TBC1D22A: variants seen among roughly 807,000 people sequenced by gnomAD.
TBC1D22A encodes TBC1 domain family member 22A, also known as putative GTPase activator.
Under a neutral mutation model 60.2 loss-of-function variants are expected in TBC1D22A, and 38 were observed. The observed-to-expected ratio is 0.63, with a 90% CI of 0.49 to 0.83. TBC1D22A has a LOEUF of 0.83. Ranked by LOEUF, TBC1D22A falls within the 40% of genes least tolerant of loss-of-function variation. TBC1D22A has a pLI of 0.00. For synonymous variants in TBC1D22A, 302 were observed against 281.7 expected, an observed-to-expected ratio of 1.07 and a Z score of -0.72; for missense variants, 628 against 701.0, an observed-to-expected ratio of 0.90 and a Z score of 1.18.
intron 8 of TBC1D22A, among the ~76,000 whole-genome samples, chr22:46,963,951 G>T (rs985107013): frequency 7.9e-5 from 12 of 152,374 alleles, no homozygotes; most frequent in African/African-American, 2.6e-4. Context: ...CTTGGGTCCA[G>T]CAGGAGCGAT....
At chr22:47,122,612 C>A (rs1159517843) in intron 12 of TBC1D22A, among the ~76,000 whole-genome samples, 5 of 152,182 alleles carry the variant, frequency 3.3e-5, no homozygotes, top group Non-Finnish European at 5.9e-5. Flanking sequence ...ATGCTACTAG[C>A]CTCAGACTTC....
chr22:47,102,989 G>C (rs114941709), intron 11 of TBC1D22A, among the ~76,000 whole-genome samples: 5 of 152,056 alleles, frequency 3.3e-5, no homozygotes, highest in Non-Finnish European at 7.3e-5. Flanking sequence ...GTTTTTGTTT[G>C]TTCAGGTCAC....
chr22:47,025,445 A>C (rs2062222101), intron 10 of TBC1D22A, among the ~76,000 whole-genome samples: 1 of 152,258 alleles, frequency 6.6e-6, no homozygotes, highest in Admixed American at 6.5e-5. Flanking sequence ...CTTTAGCAAG[A>C]TACCTGGGAA....
intron 10 of TBC1D22A, among the ~76,000 whole-genome samples, chr22:47,022,762 G>A (rs2062132411): frequency 1.3e-5 from 2 of 152,270 alleles, no homozygotes; most frequent in East Asian, 1.9e-4. Context: ...GAAGTCCCCG[G>A]CATCAGGTAG....
intron 11 of TBC1D22A, among the ~76,000 whole-genome samples, chr22:47,110,319 AAAATAC>A (rs1352874790): frequency 2.6e-5 from 4 of 152,202 alleles, no homozygotes; most frequent in African/African-American, 9.6e-5. Context: ...GTCTCTACTA[AAAATAC>A]AAAATTAGCC....
chr22:46,879,370 T>C (rs1421972011), intron 5 of TBC1D22A, among the ~76,000 whole-genome samples: 2 of 152,206 alleles, frequency 1.3e-5, no homozygotes, highest in East Asian at 3.8e-4. Context: ...GAAGTGAGTT[T>C]GGCCCTGCCC....
chr22:46,843,729 T>C (rs2086874842), intron 4 of TBC1D22A, among the ~76,000 whole-genome samples: 1 of 152,076 alleles, frequency 6.6e-6, no homozygotes, highest in African/African-American at 2.4e-5. Context: ...GTGAACTGGG[T>C]AAACTGAGAT....
chr22:47,057,166 G>A (rs1241654748), intron 11 of TBC1D22A, among the ~76,000 whole-genome samples: 1 of 152,174 alleles, frequency 6.6e-6, no homozygotes, highest in Admixed American at 6.5e-5. Context: ...TTAGGAAGTC[G>A]GTAGGTGGGT....
At chr22:47,068,130 T>C (rs1249946772) in intron 11 of TBC1D22A, among the ~76,000 whole-genome samples, 1 of 152,244 alleles carries the variant, frequency 6.6e-6, no homozygotes, top group Non-Finnish European at 1.5e-5. Context: ...ACCTGGCTTG[T>C]TTTCTTCTTT....
intron 8 of TBC1D22A, among the ~76,000 whole-genome samples, chr22:46,958,043 TG>T (rs1161314403): frequency 6.7e-6 from 1 of 149,996 alleles, no homozygotes; most frequent in African/African-American, 2.5e-5. Context: ...GGGGTAGGCC[TG>T]GGGGCTCCTG....
chr22:47,120,674 C>G (rs139291875), intron 12 of TBC1D22A, among the ~76,000 whole-genome samples: 144 of 152,330 alleles, frequency 9.5e-4, no homozygotes, highest in African/African-American at 3.1e-3. Flanking sequence ...TGAACCAGGA[C>G]AGACAGACAA....
rs753388762 is a variant in TBC1D22A at position 46,878,740 on chromosome 22, C to A, written c.708+17C>A. On this transcript the variant is annotated intron_variant, in intron 5 of 12. Coordinates refer to ENST00000337137, the MANE Select transcript of TBC1D22A (RefSeq NM_014346.5). ...CTCCTCTCAGTAAGTCCCACCGCACCGCCCATCAGCGCCTCCTTCCTGTGC... is the reference window on the plus strand; with the variant it reads ...CTCCTCTCAGTAAGTCCCACCGCACAGCCCATCAGCGCCTCCTTCCTGTGC... The A allele has an allele frequency of 1.9e-6, 3 of 1,610,986 alleles. No individual in the cohort carries two copies. In the South Asian group the frequency reaches 3.3e-5, roughly 18 times the overall value.
intron 10 of TBC1D22A, among the ~76,000 whole-genome samples, chr22:47,004,124 T>G (rs953319010): frequency 7.5e-5 from 11 of 146,678 alleles, no homozygotes; most frequent in Non-Finnish European, 1.5e-5. Flanking sequence ...CAGATGCCTA[T>G]ACACACATCT....
chr22:47,026,703 T>C (rs1047759694), intron 10 of TBC1D22A, among the ~76,000 whole-genome samples: 72 of 152,186 alleles, frequency 4.7e-4, no homozygotes, highest in African/African-American at 1.7e-3. Flanking sequence ...TGATAAAATA[T>C]GTAATAGGCC....
chr22:47,086,520 G>A (rs1426671156), intron 11 of TBC1D22A, among the ~76,000 whole-genome samples: 3 of 152,124 alleles, frequency 2.0e-5, no homozygotes, highest in Non-Finnish European at 4.4e-5. Context: ...AAGGGTCCAG[G>A]GGCATTGCTT....
At chr22:47,041,636 T>TTTCTGCCCTAGTTCTGTGCTTA (rs1261309488) in intron 11 of TBC1D22A, among the ~76,000 whole-genome samples, 2 of 152,198 alleles carry the variant, frequency 1.3e-5, no homozygotes, top group African/African-American at 4.8e-5. Flanking sequence ...ATGGAGGGCG[T>TTTCTGCCCTAGTTCTGTGCTTA]TTCTGCCCTA....
chr22:46,893,379 AC>A (rs971108273), intron 6 of TBC1D22A, among the ~76,000 whole-genome samples: 1 of 151,996 alleles, frequency 6.6e-6, no homozygotes, highest in Non-Finnish European at 1.5e-5. Flanking sequence ...ACAGAGCCCC[AC>A]CTGCCCAGCC....
intron 10 of TBC1D22A, among the ~76,000 whole-genome samples, chr22:46,999,590 G>A (rs779843697): frequency 1.3e-5 from 2 of 152,132 alleles, no homozygotes; most frequent in African/African-American, 4.8e-5. Flanking sequence ...TGCAGGTCTC[G>A]GCCACGTGAA....
intron 11 of TBC1D22A, among the ~76,000 whole-genome samples, chr22:47,089,124 G>A (rs1374076068): frequency 3.3e-5 from 5 of 152,224 alleles, no homozygotes; most frequent in African/African-American, 1.2e-4. Flanking sequence ...TTGGCTCTCA[G>A]ATGCATTGTG....
Sources: gnomAD v4.1 joint callset for allele counts (sites outside exome capture counted in the v4.1 genomes callset) on GRCh38, gnomAD v4.1.1 for gene constraint, MANE v1.5 for transcripts, NCBI Gene and HGNC (gene_info 2026-07-23, HGNC 2026-07-21) for gene names.